RASGRP4: variants seen among roughly 807,000 people sequenced by gnomAD.
RASGRP4 encodes the protein RAS guanyl-releasing protein 4.
RASGRP4 carries 52 observed loss-of-function variants against 84.4 expected under a neutral mutation model. The observed-to-expected ratio is 0.62, with a 90% CI of 0.49 to 0.78. RASGRP4 has a LOEUF of 0.78. Ranked by LOEUF, RASGRP4 falls within the 30% of genes least tolerant of loss-of-function variation. The pLI, the probability that RASGRP4 is intolerant of heterozygous loss-of-function variation, is 0.00. For synonymous variants in RASGRP4, 356 were observed against 359.1 expected, an observed-to-expected ratio of 0.99 and a Z score of 0.10; for missense variants, 760 against 886.9, an observed-to-expected ratio of 0.86 and a Z score of 1.82.
At chr19:38,422,544 C>G (rs572139328) in intron 1 of RASGRP4, among the ~76,000 whole-genome samples, 2 of 152,274 alleles carry the variant, frequency 1.3e-5, no homozygotes, top group East Asian at 1.9e-4. Flanking sequence ...GCATTAGACT[C>G]TCTTAGGAGC....
Position 38,409,805 on chromosome 19 carries a change from C to A in RASGRP4, c.*235G>T. 2.4e-6 allele frequency: 1 copy of A among 413,070 alleles called. No individual in the cohort carries two copies. Among genetic ancestry groups the A allele is most frequent in the Non-Finnish European group, 4.3e-6 (1 of 229,960 alleles). 25.6% of individuals were successfully genotyped at this position (413,070 alleles called of 1,614,324 possible). Reference sequence around the variant, plus strand: ...GGCCTGAGTCTAAATGTATCCAACACACAGCCGCACAGATACTAAGTGCAG... The same window carrying A: ...GGCCTGAGTCTAAATGTATCCAACAAACAGCCGCACAGATACTAAGTGCAG... On this transcript the variant is annotated 3_prime_UTR_variant, in exon 17 of 17. Coordinates refer to ENST00000615439, the MANE Select transcript of RASGRP4 (RefSeq NM_170604.3).
In RASGRP4 at chr19:38,414,900, T is replaced by G; in HGVS notation, c.1178A>C (p.Gln393Pro). ...GGCGCTGCAGGGTGGATGCTGCCCT[T>G]GGAGGGCCACCAGCTCCTGCAGCCG... ...YLRLQELVAL[Q>P]GQHPPCSANE... Residue 393 changes from glutamine (Q) to proline (P), a missense_variant, in exon 9 of 17, where the codon CAA (glutamine) becomes CCA (proline). Transcript: ENST00000615439. The G allele has an allele frequency of 6.2e-7, 1 of 1,609,024 alleles. No homozygotes were observed. The highest frequency in any genetic ancestry group is 1.7e-5 in the Admixed American group (1 of 59,176).
chr19:38,423,662 C>A (rs1184703069), intron 1 of RASGRP4, among the ~76,000 whole-genome samples: 1 of 151,084 alleles, frequency 6.6e-6, no homozygotes, highest in Non-Finnish European at 1.5e-5. Flanking sequence ...CATGGTGAAA[C>A]CCCATCTCTA....
rs991730274 is a variant in RASGRP4, at chr19:38,412,168, G to C, written c.1680+504C>G. Among the ~76,000 whole-genome samples the C allele has an allele frequency of 1.2e-4, 18 of 152,032 alleles. No individual in the cohort carries two copies. The highest frequency in any genetic ancestry group is 4.3e-4 in the African/African-American group (18 of 41,394). On this transcript the variant is annotated intron_variant, in intron 13 of 16. Coordinates refer to ENST00000615439, the MANE Select transcript of RASGRP4 (RefSeq NM_170604.3). This position sits in a 1 kb window ranked among gnomAD's most constrained non-coding sequence, Gnocchi z 4.6. ...GAATCTCGCTCTGTCACCCAAGCTG[G>C]AGTGCAGTGCTGCGATCTTGGCTCA...
Position 38,420,980 on chromosome 19 carries a change from G to A in RASGRP4, c.315-10C>T. ...TGTGGCCTTCTGGTATTTGAGTTCT[G>A]GTCAAGGCTCTGTTTTCCAGGATCC... is the stretch of plus-strand genomic sequence containing the variant. On this transcript the variant is annotated splice_polypyrimidine_tract_variant and intron_variant, in intron 3 of 16. Transcript: ENST00000615439. 1 of 1,613,810 alleles carries A rather than the reference G, an allele frequency of 6.2e-7. No individual in the cohort carries two copies. The highest frequency in any genetic ancestry group is 8.5e-7 in the Non-Finnish European group (1 of 1,179,776).
chr19:38,414,155 C>CCTCA (rs1286977957), intron 9 of RASGRP4, among the ~76,000 whole-genome samples: 1 of 152,018 alleles, frequency 6.6e-6, no homozygotes, highest in African/African-American at 2.4e-5. Flanking sequence ...GTCTCAAACT[C>CCTCA]CTCAGGCAAT....
chr19:38,422,090 G>A lies in RASGRP4; in HGVS notation c.87C>T (p.Arg29=). The change falls in exon 2 of 17, where the codon CGC becomes CGT. Residue 29 remains arginine, a synonymous_variant. Transcript: ENST00000615439. ...GGRGRPRQVR[R]HKTCPSPREI... is the part of the protein sequence containing the mutation. ...CCCGAGGGCTGGGGCATGTCTTGTG[G>A]CGGCGCACTTGGCGGGGCCGGCCTC... The A allele has an allele frequency of 6.2e-7, 1 of 1,613,602 alleles. No individual in the cohort carries two copies. Among genetic ancestry groups the A allele is most frequent in the East Asian group, 2.2e-5 (1 of 44,872 alleles).
At position 38,418,453 on chromosome 19, in the gene RASGRP4, G is replaced by A. The variant is rs761668592; in HGVS notation, c.775C>T (p.Leu259=). 1.2e-5 allele frequency: 19 copies of A among 1,600,582 alleles called. No individual in the cohort carries two copies. Among genetic ancestry groups the A allele is most frequent in the Non-Finnish European group, 1.5e-5 (18 of 1,174,164 alleles). The part of the protein sequence containing the change: ...SVSRWVQVMV[L]SRPGPLQRAQ... ...CGCTGTAGGGGCCCGGGACGGCTCA[G>A]CACCATCACCTGCACCCAGCGGGAC... Residue 259 remains leucine (L), a synonymous_variant, in exon 7 of 17, where the codon CTG becomes TTG. Coordinates refer to ENST00000615439, the MANE Select transcript of RASGRP4 (RefSeq NM_170604.3). This position sits in a 1 kb window ranked among gnomAD's most constrained non-coding sequence, Gnocchi z 4.6.
At position 38,410,920 on chromosome 19, in the gene RASGRP4, G is replaced by C. The variant is rs370483513; in HGVS notation, c.1931C>G (p.Thr644Ser). The change falls in exon 16 of 17, where the codon ACT becomes AGT. Residue 644 changes from threonine (T) to serine (S), a missense_variant. By Grantham distance (58) the Thr-to-Ser change is moderately conservative (BLOSUM62 1). Transcript: ENST00000615439. ...TTCCCAGGAAGGGTGTGGGGATTCA[G>C]TCTGGGTCCAGGCATGGCGAAGCTG... ...GCQLRHAWTQ[T>S]ESPHPSWETD... is the part of the protein sequence containing the mutation. The C allele has an allele frequency of 6.2e-7, 1 of 1,604,196 alleles. No homozygotes were observed. The highest frequency in any genetic ancestry group is 1.3e-5 in the African/African-American group (1 of 74,792).
chr19:38,417,402 A>C lies in RASGRP4; in HGVS notation c.838-234T>G, dbSNP rs1158483228. The stretch of plus-strand genomic sequence containing the variant: ...AGGGTCAAGCAAGTGATTGACTGAT[A>C]CGAGGTTAGAAAATCTGGGGAGACA... On this transcript the variant is annotated intron_variant, in intron 7 of 16. Transcript: ENST00000615439. The surrounding 1 kb of genome is among the most constrained non-coding windows in gnomAD (Gnocchi z 5.1). Among the ~76,000 whole-genome samples the C allele has an allele frequency of 5.9e-5, 9 of 152,122 alleles. No homozygotes were observed. Among genetic ancestry groups the C allele is most frequent in the Admixed American group, 5.9e-4 (9 of 15,276 alleles).
At chr19:38,419,809 C>A in intron 6 of RASGRP4, 51 bp downstream of exon 6, 1 of 1,525,088 alleles carries the variant, frequency 6.6e-7, no homozygotes, top group Non-Finnish European at 8.9e-7. Flanking sequence ...CAATCCCTCC[C>A]CTACCCCAGT....
Position 38,413,286 on chromosome 19 carries a change from G to T in RASGRP4, c.1323C>A (p.Pro441=), listed in dbSNP as rs1217535139. Residue 441 remains proline (P), a synonymous_variant, in exon 11 of 17, where the codon CCC becomes CCA. Transcript: ENST00000615439. The surrounding 1 kb of genome is among the most constrained non-coding windows in gnomAD (Gnocchi z 4.7). Reference sequence around the variant, plus strand: ...ACTCCACCACCAGAGGTGCATTGAAGGGGGAGGGTGGCTGGGGCGGGGACA... The same window carrying T: ...ACTCCACCACCAGAGGTGCATTGAATGGGGAGGGTGGCTGGGGCGGGGACA... The part of the protein sequence containing the change: ...PRCPKSLPPS[P]FNAPLVVEWA... 25 of 1,613,706 alleles carry T rather than the reference G, an allele frequency of 1.5e-5. No homozygotes were observed. The highest frequency in any genetic ancestry group is 1.9e-5 in the Non-Finnish European group (23 of 1,179,746).
chr19:38,417,226 C>G lies in RASGRP4; in HGVS notation c.838-58G>C, dbSNP rs1971535539. On this transcript the variant is annotated intron_variant, in intron 7 of 16. Coordinates refer to ENST00000615439, the MANE Select transcript of RASGRP4 (RefSeq NM_170604.3). This position sits in a 1 kb window ranked among gnomAD's most constrained non-coding sequence, Gnocchi z 5.1. The stretch of plus-strand genomic sequence containing the variant: ...CGGGAGGGAGGGCAAGTCAGGAGTT[C>G]AGATGACAGCATCCCAGTTGAGGTG... 2.8e-6 allele frequency: 3 copies of G among 1,083,576 alleles called. No individual in the cohort carries two copies. Among genetic ancestry groups the G allele is most frequent in the African/African-American group, 1.6e-5 (1 of 64,022 alleles). 67.1% of individuals were successfully genotyped at this position (1,083,576 alleles called of 1,614,324 possible). A position where few individuals can be genotyped will look rare whatever the true frequency, so the allele number is the denominator to read the frequency against.
In RASGRP4 at chr19:38,411,037, G is replaced by A. The variant is rs368475764; in HGVS notation, c.1853-39C>T. 226 of 1,610,734 alleles carry A rather than the reference G, an allele frequency of 1.4e-4. 1 individual carries two copies. In the Middle Eastern group the frequency reaches 5.1e-3, roughly 37 times the overall value. On this transcript the variant is annotated intron_variant, in intron 15 of 16. Coordinates refer to ENST00000615439, the MANE Select transcript of RASGRP4 (RefSeq NM_170604.3). ...GATGGAAGGGATGTGGGTCTGATGG[G>A]AAGGACCTCTTCTTGACCTTGGACT...
rs769909775 is a variant in RASGRP4, at chr19:38,411,198, C to T, written c.1769G>A (p.Cys590Tyr). ...GCCCTTGGCCCCTGGCCTCTTCTTA[C>T]ATTCTACCTTCACCTGGTCTCTGCA... ...KHCRDQVKVE[C>Y]KKRPGAKGDA... The change falls in exon 15 of 17, where the codon TGT becomes TAT. Residue 590 changes from cysteine (C) to tyrosine (Y), a missense_variant. Coordinates refer to ENST00000615439, the MANE Select transcript of RASGRP4 (RefSeq NM_170604.3). The T allele has an allele frequency of 1.2e-6, 2 of 1,613,844 alleles. No homozygotes were observed. Among genetic ancestry groups the T allele is most frequent in the Non-Finnish European group, 8.5e-7 (1 of 1,179,888 alleles).
Position 38,409,891 on chromosome 19 carries a change from A to G in RASGRP4, c.*149T>C, listed in dbSNP as rs1971149232. 1.7e-6 allele frequency: 1 copy of G among 579,878 alleles called. No homozygotes were observed. The highest frequency in any genetic ancestry group is 3.1e-6 in the Non-Finnish European group (1 of 323,742). The allele number at this position is 579,878 out of a possible 1,614,324, so 35.9% of individuals were successfully genotyped here. A position where few individuals can be genotyped will look rare whatever the true frequency, so the allele number is the denominator to read the frequency against. On this transcript the variant is annotated 3_prime_UTR_variant, in exon 17 of 17. Coordinates refer to ENST00000615439, the MANE Select transcript of RASGRP4 (RefSeq NM_170604.3). ...AAAGAGGAAAGTCACTTCCAGGGAA[A>G]AAGATGACGGACGTACCACTAAAGG... is the stretch of plus-strand genomic sequence containing the variant.
At chr19:38,416,741 C>T (rs1971517940) in intron 8 of RASGRP4, among the ~76,000 whole-genome samples, 1 of 152,188 alleles carries the variant, frequency 6.6e-6, no homozygotes, top group Admixed American at 6.5e-5. Flanking sequence ...TAATTTCCTG[C>T]CACTTTCTGA....
In RASGRP4 at chr19:38,426,200, G is replaced by A. The variant is rs1398777517; in HGVS notation, c.-109C>T. On this transcript the variant is annotated 5_prime_UTR_variant, in exon 1 of 17. Coordinates refer to ENST00000615439, the MANE Select transcript of RASGRP4 (RefSeq NM_170604.3). ...GCCCCTAGGGAGCTGGGGCCTCCTC[G>A]GTGCTTGGGAAGGAAAGAGGAACTG... The A allele has an allele frequency of 9.9e-6, 9 of 907,304 alleles. No homozygotes were observed. In the Admixed American group the frequency reaches 1.3e-4, roughly 13 times the overall value. The allele number at this position is 907,304 out of a possible 1,614,324, so 56.2% of individuals were successfully genotyped here. A position where few individuals can be genotyped will look rare whatever the true frequency, so the allele number is the denominator to read the frequency against.
intron 2 of RASGRP4, 139 bp downstream of exon 2, chr19:38,421,830 T>A (rs780797893): frequency 1.8e-6 from 1 of 550,910 alleles, no homozygotes; most frequent in Non-Finnish European, 3.1e-6. Flanking sequence ...TGCAGGTGTT[T>A]CTGTTATCTC....
Sources: allele counts gnomAD v4.1 joint callset (sites outside exome capture counted in the v4.1 genomes callset), GRCh38; gene constraint gnomAD v4.1.1; non-coding constraint Gnocchi (gnomAD v3.1); transcripts MANE v1.5; gene names NCBI Gene and HGNC (gene_info 2026-07-23, HGNC 2026-07-21).